The following ACKR3 variants were observed in gnomAD, a reference collection of about 807,000 sequenced individuals.
ACKR3 encodes C-X-C chemokine receptor type 7.
ACKR3 carries 6 observed loss-of-function variants against 22.4 expected under a neutral mutation model. The observed-to-expected ratio is 0.27, with a 90% CI of 0.15 to 0.53. ACKR3 has a LOEUF of 0.53. Among genes scored for constraint, ACKR3 ranks in the 20% least tolerant of loss-of-function variants. ACKR3 has a pLI of 0.96. For synonymous variants in ACKR3, 209 were observed against 205.2 expected, an observed-to-expected ratio of 1.02 and a Z score of -0.16; for missense variants, 396 against 475.2, an observed-to-expected ratio of 0.83 and a Z score of 1.55.
the ACKR3 span, among the ~76,000 whole-genome samples, chr2:236,539,311 T>TC: frequency 2.2e-5 from 3 of 138,334 alleles, no homozygotes; most frequent in Non-Finnish European, 4.7e-5. Flanking sequence ...CTTTTCTTTT[T>TC]TTTTTTTTTT....
upstream of ACKR3, among the ~76,000 whole-genome samples, chr2:236,563,063 T>A (rs1358823670): frequency 2.0e-5 from 3 of 152,210 alleles, no homozygotes; most frequent in Admixed American, 6.5e-5. Flanking sequence ...CCCAGCCTTT[T>A]CATAAGTGTA....
At chr2:236,540,032 G>A in the ACKR3 span, among the ~76,000 whole-genome samples, 1 of 152,176 alleles carries the variant, frequency 6.6e-6, no homozygotes, top group Non-Finnish European at 1.5e-5. Context: ...ACATTTCAAG[G>A]TGAGATTTGG....
the ACKR3 span, among the ~76,000 whole-genome samples, chr2:236,554,883 A>G: frequency 5.3e-5 from 8 of 152,362 alleles, no homozygotes; most frequent in South Asian, 1.0e-3. Flanking sequence ...TTTTCACAGA[A>G]CAGGCAAAAA....
At chr2:236,554,660 A>AACC in the ACKR3 span, among the ~76,000 whole-genome samples, 1 of 152,174 alleles carries the variant, frequency 6.6e-6, no homozygotes. Flanking sequence ...ACCCAGCGCA[A>AACC]ACAGCAGGGG....
chr2:236,581,142 C>G lies in ACKR3; in HGVS notation c.677C>G (p.Ser226Cys), dbSNP rs777869513. ...GTCTTGGGCTTTGCCGTTCCCTTCT[C>G]CATTATCGCTGTCTTCTACTTCCTG... ...SVVLGFAVPF[S>C]IIAVFYFLLA... Residue 226 changes from serine to cysteine, a missense_variant, in exon 2 of 2, where the codon TCC (serine) becomes TGC (cysteine). Ser to Cys is a moderately radical substitution (Grantham distance 112). Transcript: ENST00000272928. This position sits in a 1 kb window ranked among gnomAD's most constrained non-coding sequence, Gnocchi z 4.4. 6 of 1,614,112 alleles carry G rather than the reference C, an allele frequency of 3.7e-6. No individual in the cohort carries two copies. The highest frequency in any genetic ancestry group is 4.2e-6 in the Non-Finnish European group (5 of 1,180,044).
chr2:236,575,102 T>C (rs1400258055), intron 1 of ACKR3, among the ~76,000 whole-genome samples: 5 of 152,004 alleles, frequency 3.3e-5, no homozygotes, highest in Non-Finnish European at 7.4e-5. Context: ...TTGTTCTCCC[T>C]TGGGTCTCTG....
At chr2:236,559,078 C>G in the ACKR3 span, among the ~76,000 whole-genome samples, 1 of 152,156 alleles carries the variant, frequency 6.6e-6, no homozygotes, top group East Asian at 1.9e-4. Context: ...GGGTTTGACC[C>G]TATGTGTTTA....
chr2:236,558,173 C>T, the ACKR3 span, among the ~76,000 whole-genome samples: 2 of 152,216 alleles, frequency 1.3e-5, no homozygotes, highest in Admixed American at 6.5e-5. Context: ...TTATTGAGTC[C>T]GGCAGTGATG....
chr2:236,550,916 C>G, the ACKR3 span, among the ~76,000 whole-genome samples: 1 of 152,194 alleles, frequency 6.6e-6, no homozygotes, highest in Non-Finnish European at 1.5e-5. The surrounding 1 kb of genome is among the most constrained non-coding windows in gnomAD (Gnocchi z 4.6). Context: ...TGACTCTTAC[C>G]TTTCTATTTC....
At chr2:236,553,851 T>C in the ACKR3 span, among the ~76,000 whole-genome samples, 1 of 152,284 alleles carries the variant, frequency 6.6e-6, no homozygotes, top group Non-Finnish European at 1.5e-5. Flanking sequence ...ATGTTTTCTT[T>C]GGTAATGTTT....
At chr2:236,580,152 C>A (rs780418539) in intron 1 of ACKR3, among the ~76,000 whole-genome samples, 8 of 152,232 alleles carry the variant, frequency 5.3e-5, no homozygotes, top group Non-Finnish European at 1.2e-4. Context: ...CTGGGCACAG[C>A]CATGCTGGCG....
chr2:236,574,009 T>G lies in ACKR3; in HGVS notation c.-27+4085T>G, dbSNP rs1052536867. ...TGAAGTCCCCCATAAGCCACCAGAGTAGAAACCCCTCATTTTCCTGCTGAA... is the reference window on the plus strand; with the variant it reads ...TGAAGTCCCCCATAAGCCACCAGAGGAGAAACCCCTCATTTTCCTGCTGAA... On this transcript the variant is annotated intron_variant, in intron 1 of 1. Transcript: ENST00000272928. This position sits in a 1 kb window ranked among gnomAD's most constrained non-coding sequence, Gnocchi z 5.6. Among the ~76,000 whole-genome samples the G allele has an allele frequency of 6.6e-6, 1 of 151,646 alleles. No homozygotes were observed. Among genetic ancestry groups the G allele is most frequent in the African/African-American group, 2.4e-5 (1 of 41,224 alleles).
upstream of ACKR3, chr2:236,567,824 C>G (rs1021815032): frequency 3.3e-5 from 5 of 152,690 alleles, no homozygotes; most frequent in African/African-American, 1.2e-4. Flanking sequence ...GGCGCCTGGG[C>G]CGGGTGCCCG....
At chr2:236,538,145 C>T in the ACKR3 span, among the ~76,000 whole-genome samples, 5 of 151,874 alleles carry the variant, frequency 3.3e-5, no homozygotes, top group African/African-American at 1.2e-4. Context: ...CCTTGGGCAG[C>T]GTGGTTAATA....
chr2:236,538,079 T>G, the ACKR3 span, among the ~76,000 whole-genome samples: 4 of 152,200 alleles, frequency 2.6e-5, no homozygotes, highest in East Asian at 3.8e-4. Context: ...TCAAAGAGGT[T>G]TTGTTTTCTT....
At chr2:236,564,097 C>T (rs1280966023), upstream of ACKR3, among the ~76,000 whole-genome samples, 1 of 152,194 alleles carries the variant, frequency 6.6e-6, no homozygotes, top group Non-Finnish European at 1.5e-5. Flanking sequence ...GGGCCAGAGG[C>T]CCCTCCCTCT....
At chr2:236,552,833 T>G in the ACKR3 span, among the ~76,000 whole-genome samples, 3 of 152,104 alleles carry the variant, frequency 2.0e-5, no homozygotes, top group African/African-American at 7.2e-5. Flanking sequence ...TAAGGAGATA[T>G]CACGCTGGCC....
At chr2:236,557,979 G>A in the ACKR3 span, among the ~76,000 whole-genome samples, 26 of 152,322 alleles carry the variant, frequency 1.7e-4, no homozygotes, top group African/African-American at 5.8e-4. Flanking sequence ...TGAAAGTCAA[G>A]GGAAGACTGA....
rs567798903 is a variant in ACKR3 at position 236,577,747 on chromosome 2, C to G, written c.-26-2693C>G. 1.3e-5 allele frequency among the ~76,000 whole-genome samples: 2 copies of G among 152,150 alleles called. No homozygotes were observed. Among genetic ancestry groups the G allele is most frequent in the East Asian group, 1.9e-4 (1 of 5,178 alleles). ...GGCGGATTCGGGATCCAAGTTCGGG[C>G]GAACAAAGACTGAGGGTCATTTCTT... On this transcript the variant is annotated intron_variant, in intron 1 of 1. Coordinates refer to ENST00000272928, the MANE Select transcript of ACKR3 (RefSeq NM_020311.3). This position sits in a 1 kb window ranked among gnomAD's most constrained non-coding sequence, Gnocchi z 5.6.
Sources: allele counts gnomAD v4.1 joint callset (sites outside exome capture counted in the v4.1 genomes callset), GRCh38; gene constraint gnomAD v4.1.1; non-coding constraint Gnocchi (gnomAD v3.1); transcripts MANE v1.5; gene names NCBI Gene and HGNC (gene_info 2026-07-23, HGNC 2026-07-21).